Variants in SNX9 observed in about 807,000 individuals in gnomAD.
SNX9 encodes sorting nexin 9, also known as sorting nexin-9.
A neutral mutation model predicts 89.4 loss-of-function variants in SNX9; 44 were observed. The ratio of observed to expected loss-of-function variants is 0.49; its 90% CI spans 0.39 to 0.63. The LOEUF is 0.63. Ranked by LOEUF, SNX9 falls within the 30% of genes least tolerant of loss-of-function variation. The pLI, the probability that SNX9 is intolerant of heterozygous loss-of-function variation, is 0.00. For missense variants in SNX9, 578 were observed against 736.1 expected, an observed-to-expected ratio of 0.79 and a Z score of 2.49; for synonymous variants, 236 against 247.8, an observed-to-expected ratio of 0.95 and a Z score of 0.45.
At chr6:157,872,770 G>GC (rs1231202791) in intron 2 of SNX9, 9 of 166,748 alleles carry the variant, frequency 5.4e-5, no homozygotes, top group African/African-American at 2.2e-4. Context: ...CCTGGGATGC[G>GC]CATCCCACCG....
intron 4 of SNX9, among the ~76,000 whole-genome samples, chr6:157,891,583 A>G (rs552259611): frequency 6.6e-6 from 1 of 152,342 alleles, no homozygotes; most frequent in African/African-American, 2.4e-5. Context: ...AAAATATTTG[A>G]GTCCTTGCCA....
chr6:157,897,475 C>T (rs1012869606), intron 5 of SNX9, among the ~76,000 whole-genome samples: 1 of 152,056 alleles, frequency 6.6e-6, no homozygotes, highest in African/African-American at 2.4e-5. Flanking sequence ...AGGATTTTTA[C>T]GGCGGTTTCA....
rs542173187 is a variant in SNX9 at position 157,931,630 on chromosome 6, G to A, written c.1289-565G>A. Reference sequence around the variant, plus strand: ...TCAGACCCCTCTTCCCTGGTCATGCGAAGTCTGACTGTTGTATTTTTCTCC... The same window carrying A: ...TCAGACCCCTCTTCCCTGGTCATGCAAAGTCTGACTGTTGTATTTTTCTCC... On this transcript the variant is annotated intron_variant, in intron 12 of 17. Coordinates refer to ENST00000392185, the MANE Select transcript of SNX9 (RefSeq NM_016224.5). 1.2e-4 allele frequency among the ~76,000 whole-genome samples: 18 copies of A among 152,306 alleles called. 1 individual carries two copies. The highest frequency in any genetic ancestry group is 3.9e-4 in the East Asian group (2 of 5,194).
chr6:157,824,988 C>T (rs960516268), intron 1 of SNX9, among the ~76,000 whole-genome samples: 4 of 152,168 alleles, frequency 2.6e-5, no homozygotes, highest in African/African-American at 7.2e-5. Flanking sequence ...TCACTCCCAC[C>T]TGTAATTCCA....
At chr6:157,859,091 G>A (rs1455454508) in intron 1 of SNX9, among the ~76,000 whole-genome samples, 4 of 151,828 alleles carry the variant, frequency 2.6e-5, no homozygotes, top group Admixed American at 6.6e-5. Context: ...TTCATCTTCC[G>A]CCATTACTGT....
intron 4 of SNX9, among the ~76,000 whole-genome samples, chr6:157,884,249 A>G (rs757103794): frequency 6.6e-6 from 1 of 152,218 alleles, no homozygotes; most frequent in Non-Finnish European, 1.5e-5. Context: ...ATTTAAGGAT[A>G]TAACATTTTT....
At chr6:157,843,038 G>C (rs1781733012) in intron 1 of SNX9, among the ~76,000 whole-genome samples, 1 of 152,156 alleles carries the variant, frequency 6.6e-6, no homozygotes. Flanking sequence ...ACAGCTTAAA[G>C]GTTACAAGCA....
chr6:157,862,600 T>A (rs908079090), intron 1 of SNX9, among the ~76,000 whole-genome samples: 6 of 152,246 alleles, frequency 3.9e-5, no homozygotes, highest in Non-Finnish European at 7.3e-5. Flanking sequence ...TTATATGCAA[T>A]CAGAGAGGTA....
intron 4 of SNX9, among the ~76,000 whole-genome samples, chr6:157,894,322 C>T (rs992435757): frequency 1.3e-5 from 2 of 151,254 alleles, no homozygotes; most frequent in South Asian, 2.1e-4. Flanking sequence ...GTTGGCCAGG[C>T]TGATCTCAAA....
intron 1 of SNX9, among the ~76,000 whole-genome samples, chr6:157,838,480 A>G (rs1322868459): frequency 6.6e-6 from 1 of 152,214 alleles, no homozygotes; most frequent in East Asian, 1.9e-4. Flanking sequence ...ATGTATACAT[A>G]GTGTACAGTG....
At chr6:157,942,395 G>A (rs1468500159) in intron 17 of SNX9, among the ~76,000 whole-genome samples, 5 of 152,230 alleles carry the variant, frequency 3.3e-5, no homozygotes, top group Non-Finnish European at 7.3e-5. Context: ...GTGACAGCAG[G>A]GTGTGGCCAG....
intron 4 of SNX9, among the ~76,000 whole-genome samples, chr6:157,884,730 C>T (rs911900314): frequency 2.0e-5 from 3 of 152,184 alleles, no homozygotes; most frequent in Admixed American, 6.5e-5. Flanking sequence ...TGTGCTTTTT[C>T]ACAGATCCCT....
At chr6:157,854,046 C>A (rs1009664554) in intron 1 of SNX9, among the ~76,000 whole-genome samples, 1 of 152,194 alleles carries the variant, frequency 6.6e-6, no homozygotes, top group African/African-American at 2.4e-5. Context: ...TCCATTTCCT[C>A]CCCCTTTGGG....
In SNX9 at chr6:157,926,585, C is replaced by G. The variant is rs150436610; in HGVS notation, c.1081-526C>G. On this transcript the variant is annotated intron_variant, in intron 10 of 17. Transcript: ENST00000392185. ...TTGCTTGAGCACAGGAGTTCAAGAC[C>G]AGCCTGGCTAACACAGTGAAACCCC... Among the ~76,000 whole-genome samples, 819 of 151,816 alleles carry G rather than the reference C, an allele frequency of 5.4e-3. 7 individuals are homozygous for G. Among genetic ancestry groups the G allele is most frequent in the African/African-American group, 0.019 (782 of 41,400 alleles).
intron 1 of SNX9, among the ~76,000 whole-genome samples, chr6:157,858,887 T>C (rs1228456192): frequency 3.3e-5 from 5 of 152,194 alleles, no homozygotes; most frequent in Non-Finnish European, 5.9e-5. Context: ...ACCACCCCCA[T>C]GATTCAGTTA....
intron 16 of SNX9, among the ~76,000 whole-genome samples, chr6:157,939,080 C>T (rs901753826): frequency 2.6e-5 from 4 of 151,738 alleles, no homozygotes; most frequent in African/African-American, 9.7e-5. Context: ...ACCTGCGTGC[C>T]TTGGGATCAT....
intron 1 of SNX9, among the ~76,000 whole-genome samples, chr6:157,842,004 C>T (rs1781713517): frequency 6.6e-6 from 1 of 152,134 alleles, no homozygotes; most frequent in African/African-American, 2.4e-5. Context: ...TTTCCCCTTT[C>T]CTCATTATTT....
At chr6:157,902,782 C>T (rs1783133010) in intron 6 of SNX9, among the ~76,000 whole-genome samples, 2 of 152,164 alleles carry the variant, frequency 1.3e-5, no homozygotes, top group South Asian at 2.1e-4. Context: ...ATTCTCGTGC[C>T]TCAGCCACCT....
intron 3 of SNX9, 115 bp from the exon 4 acceptor site, chr6:157,874,936 G>T (rs1782487038): frequency 8.2e-7 from 1 of 1,215,024 alleles, no homozygotes; most frequent in Non-Finnish European, 1.1e-6. Context: ...TGCTTACAGA[G>T]AAATTTGTAG....
Sources: gnomAD v4.1 joint callset for allele counts (sites outside exome capture counted in the v4.1 genomes callset) on GRCh38, gnomAD v4.1.1 for gene constraint, MANE v1.5 for transcripts, NCBI Gene and HGNC (gene_info 2026-07-23, HGNC 2026-07-21) for gene names.